Variants in AP3B1 observed in about 807,000 individuals in gnomAD.
The protein encoded by AP3B1 is adaptor related protein complex 3 subunit beta 1.
AP3B1 carries 61 observed loss-of-function variants against 132.5 expected under a neutral mutation model. That is an observed-to-expected ratio of 0.46 (90% confidence interval 0.37 to 0.57). AP3B1 has a LOEUF of 0.57. AP3B1 is among the 20% of genes least tolerant of loss of function. AP3B1 has a pLI of 0.00. For missense variants in AP3B1, 1,120 were observed against 1,289.4 expected, an observed-to-expected ratio of 0.87 and a Z score of 2.01; for synonymous variants, 388 against 438.3, an observed-to-expected ratio of 0.89 and a Z score of 1.43.
chr5:78,102,642 A>G (rs1751179275), intron 20 of AP3B1, among the ~76,000 whole-genome samples: 1 of 152,162 alleles, frequency 6.6e-6, no homozygotes, highest in Non-Finnish European at 1.5e-5. Flanking sequence ...TCCTGTGAAG[A>G]AAGAACATAT....
intron 19 of AP3B1, among the ~76,000 whole-genome samples, chr5:78,110,684 C>CTGTGTGTGTGTGTGTGTG (rs144921350): frequency 4.9e-5 from 7 of 143,486 alleles, no homozygotes; most frequent in African/African-American, 1.8e-4. Flanking sequence ...AATACTGTGC[C>CTGTGTGTGTGTGTGTGTG]TGTGTGTGTG....
chr5:78,150,295 A>G (rs1180949333), intron 14 of AP3B1, among the ~76,000 whole-genome samples: 1 of 152,246 alleles, frequency 6.6e-6, no homozygotes, highest in African/African-American at 2.4e-5. Flanking sequence ...GAAAAATCAC[A>G]GAAGCCATGA....
chr5:78,276,860 C>A (rs1447279935), intron 1 of AP3B1, among the ~76,000 whole-genome samples: 3 of 146,690 alleles, frequency 2.0e-5, no homozygotes, highest in South Asian at 2.2e-4. Context: ...CAGAGCAAGA[C>A]CCTGTCCCTA....
chr5:78,139,049 A>G (rs905074832), intron 15 of AP3B1, among the ~76,000 whole-genome samples: 1 of 151,704 alleles, frequency 6.6e-6, no homozygotes, highest in African/African-American at 2.4e-5. Flanking sequence ...AAAAAAAAAA[A>G]AAAAACCTGA....
At chr5:78,266,626 C>A (rs1383044306) in intron 2 of AP3B1, among the ~76,000 whole-genome samples, 1 of 151,992 alleles carries the variant, frequency 6.6e-6, no homozygotes, top group African/African-American at 2.4e-5. Flanking sequence ...AGCAATTATG[C>A]AAATGTATTC....
chr5:78,163,640 C>CATATAT (rs200184761), intron 12 of AP3B1, among the ~76,000 whole-genome samples: 1 of 142,576 alleles, frequency 7.0e-6, no homozygotes, highest in African/African-American at 2.6e-5. Flanking sequence ...ATATAGTATA[C>CATATAT]ATATATATAT....
chr5:78,172,941 A>ATT lies in AP3B1; in HGVS notation c.1167+2684_1167+2685insAA, dbSNP rs1423275710. ...CTACACACTGCTTTAAATGTGTCCC[A>ATT]GAGATTCTGGTATGTTGTGTCTTTG... On this transcript the variant is annotated intron_variant, in intron 11 of 26. Transcript: ENST00000255194. Among the ~76,000 whole-genome samples the ATT allele has an allele frequency of 1.3e-4, 20 of 152,282 alleles. No homozygotes were observed. The South Asian group carries it at 3.7e-3, about 28-fold the overall frequency.
intron 24 of AP3B1, among the ~76,000 whole-genome samples, chr5:78,023,348 G>A (rs958671466): frequency 1.8e-4 from 28 of 152,064 alleles, no homozygotes; most frequent in African/African-American, 6.5e-4. Flanking sequence ...AGCGTGAGCT[G>A]GGAGGATTGC....
chr5:78,097,210 C>T (rs1750872430), intron 21 of AP3B1, among the ~76,000 whole-genome samples: 1 of 124,274 alleles, frequency 8.0e-6, no homozygotes, highest in Non-Finnish European at 1.7e-5. Flanking sequence ...CTCTGCCCGG[C>T]CAGCCACCCC....
At chr5:78,175,156 AC>A (rs1245176574) in intron 11 of AP3B1, among the ~76,000 whole-genome samples, 1 of 152,122 alleles carries the variant, frequency 6.6e-6, no homozygotes, top group East Asian at 1.9e-4. Context: ...AAGGGAAATC[AC>A]CCGACCTCTT....
chr5:78,237,644 C>T (rs1403183884), intron 3 of AP3B1, among the ~76,000 whole-genome samples: 1 of 152,030 alleles, frequency 6.6e-6, no homozygotes, highest in Non-Finnish European at 1.5e-5. Flanking sequence ...CCCGGCTCTA[C>T]TAAAAATACG....
intron 17 of AP3B1, among the ~76,000 whole-genome samples, chr5:78,123,049 T>C (rs2112286369): frequency 6.6e-6 from 1 of 152,284 alleles, no homozygotes; most frequent in African/African-American, 2.4e-5. Flanking sequence ...GCCGCATATC[T>C]ACAACCATCT....
At chr5:78,086,514 G>GA (rs1750261600) in intron 22 of AP3B1, among the ~76,000 whole-genome samples, 2 of 152,150 alleles carry the variant, frequency 1.3e-5, no homozygotes, top group African/African-American at 4.8e-5. Flanking sequence ...GCAGAACTCT[G>GA]ACTTGAACAC....
intron 19 of AP3B1, among the ~76,000 whole-genome samples, chr5:78,113,004 T>C (rs1204028077): frequency 6.6e-6 from 1 of 152,232 alleles, no homozygotes; most frequent in African/African-American, 2.4e-5. Context: ...GTGTTTGTTA[T>C]GGAAGTGGCA....
intron 22 of AP3B1, among the ~76,000 whole-genome samples, chr5:78,069,567 G>A (rs1317947700): frequency 1.3e-5 from 2 of 152,106 alleles, no homozygotes; most frequent in African/African-American, 4.8e-5. Flanking sequence ...TCTCTTCAAG[G>A]AGAACTACAA....
At chr5:78,130,259 G>A (rs7448322) in intron 15 of AP3B1, among the ~76,000 whole-genome samples, 42,895 of 151,722 alleles carry the variant, frequency 0.28, 6,313 homozygotes, top group Admixed American at 0.38. Context: ...AAAATAAACC[G>A]AGAAACACTA....
intron 24 of AP3B1, among the ~76,000 whole-genome samples, chr5:78,033,760 A>G (rs191947687): frequency 6.0e-4 from 91 of 152,116 alleles, no homozygotes; most frequent in Admixed American, 1.7e-3. Context: ...TTATAGAAAA[A>G]CATTAACAAC....
At chr5:78,290,843 G>C (rs1187410997) in intron 1 of AP3B1, among the ~76,000 whole-genome samples, 2 of 152,120 alleles carry the variant, frequency 1.3e-5, no homozygotes, top group Admixed American at 6.5e-5. Context: ...CAGCTACTCG[G>C]AAGCCTGAGG....
rs576461723 is a variant in AP3B1 at position 78,057,806 on chromosome 5, G to A, written c.2578-18532C>T. Among the ~76,000 whole-genome samples, 355 of 152,126 alleles carry A rather than the reference G, an allele frequency of 2.3e-3. 1 individual carries two copies. Among genetic ancestry groups the A allele is most frequent in the African/African-American group, 8.2e-3 (341 of 41,490 alleles). ...CCAATTTATCTATTCAACTCTTCCT[G>A]GCCCTACTCCAGCCCATTATGATCT... is the stretch of plus-strand genomic sequence containing the variant. On this transcript the variant is annotated intron_variant, in intron 22 of 26. Transcript: ENST00000255194.
Sources: gnomAD v4.1 joint callset for allele counts (sites outside exome capture counted in the v4.1 genomes callset) on GRCh38, gnomAD v4.1.1 for gene constraint, MANE v1.5 for transcripts, NCBI Gene and HGNC (gene_info 2026-07-23, HGNC 2026-07-21) for gene names.